The following AP3B1 variants were observed in gnomAD, a reference collection of about 807,000 sequenced individuals.
AP3B1 encodes AP-3 complex subunit beta-1.
A neutral mutation model predicts 132.5 loss-of-function variants in AP3B1; 61 were observed. The observed-to-expected ratio is 0.46, with a 90% confidence interval of 0.37 to 0.57. AP3B1 has a LOEUF of 0.57. AP3B1 is among the 20% of genes least tolerant of loss of function. The probability of loss-of-function intolerance (pLI) is 0.00; values close to 1 mark genes in which losing one functional copy is unlikely to be tolerated. For missense variants in AP3B1, 1,120 were observed against 1,289.4 expected (o/e 0.87, Z 2.01); for synonymous variants, 388 against 438.3 (o/e 0.89, Z 1.43).
intron 2 of AP3B1, among the ~76,000 whole-genome samples, chr5:78,248,949 C>T (rs1281650994): frequency 6.6e-6 from 1 of 152,076 alleles, no homozygotes; most frequent in Non-Finnish European, 1.5e-5. Flanking sequence ...CCATTTTTTC[C>T]CGCTACTTTC....
At position 78,015,443 on chromosome 5, in the gene AP3B1, C is replaced by A; in HGVS notation, c.3098G>T (p.Gly1033Val). Residue 1033 changes from glycine (G) to valine (V), a missense_variant, in exon 26 of 27, where the codon GGT becomes GTT. Around this residue, in one of 3 missense-constraint regions of AP3B1, gnomAD observed 906 missense variants for 997.1 expected, o/e 0.91. Transcript: ENST00000255194. ...ATTATCCTGGCCAGAAGGGACTGCA[C>A]CTACATTGGCTACATTTACAACCTT... ...FQKVVNVANV[G>V]AVPSGQDNIH... The A allele has an allele frequency of 1.2e-6, 2 of 1,613,852 alleles. No homozygotes were observed. The highest frequency in any genetic ancestry group is 2.2e-5 in the East Asian group (1 of 44,836).
intron 13 of AP3B1, among the ~76,000 whole-genome samples, chr5:78,158,137 T>C (rs1330142826): frequency 6.6e-6 from 1 of 152,224 alleles, no homozygotes; most frequent in Non-Finnish European, 1.5e-5. Flanking sequence ...TAAATATATG[T>C]ATTTCAAACT....
chr5:78,094,299 T>C (rs1750677091), intron 21 of AP3B1, among the ~76,000 whole-genome samples: 2 of 152,344 alleles, frequency 1.3e-5, no homozygotes, highest in East Asian at 1.9e-4. Flanking sequence ...CTAGAACAAA[T>C]GTTTTCTTAT....
intron 14 of AP3B1, among the ~76,000 whole-genome samples, chr5:78,154,819 G>C (rs1220031790): frequency 3.3e-5 from 5 of 152,060 alleles, no homozygotes; most frequent in African/African-American, 1.2e-4. Context: ...TTCAATATCT[G>C]TTAAATTTAT....
intron 22 of AP3B1, among the ~76,000 whole-genome samples, chr5:78,058,984 C>T (rs1257168997): frequency 8.5e-5 from 13 of 152,282 alleles, no homozygotes; most frequent in African/African-American, 3.1e-4. Context: ...GAAAAACAGC[C>T]CCTTCAAAGA....
intron 25 of AP3B1, among the ~76,000 whole-genome samples, chr5:78,018,391 G>A (rs1449875201): frequency 6.6e-6 from 1 of 151,832 alleles, no homozygotes; most frequent in Non-Finnish European, 1.5e-5. Context: ...AGATCATGTT[G>A]CATATTAGAA....
intron 24 of AP3B1, among the ~76,000 whole-genome samples, chr5:78,028,560 G>A (rs1747439480): frequency 6.6e-6 from 1 of 152,078 alleles, no homozygotes. Context: ...GTGGAATATA[G>A]TGTGGTGAGC....
intron 7 of AP3B1, 76 bp downstream of exon 7, chr5:78,215,979 A>T (rs962456085): frequency 6.9e-7 from 1 of 1,451,374 alleles, no homozygotes; most frequent in Non-Finnish European, 9.7e-7. Context: ...TACTACTCCT[A>T]ATTTTTTGCC....
chr5:78,192,171 T>G (rs1417410625), intron 7 of AP3B1, among the ~76,000 whole-genome samples: 1 of 151,760 alleles, frequency 6.6e-6, no homozygotes, highest in Non-Finnish European at 1.5e-5. Flanking sequence ...GCAGTATATA[T>G]TTCTACTTCA....
intron 17 of AP3B1, among the ~76,000 whole-genome samples, chr5:78,119,861 G>A (rs1292574785): frequency 6.6e-6 from 1 of 152,170 alleles, no homozygotes; most frequent in African/African-American, 2.4e-5. Flanking sequence ...TACTCCTTGA[G>A]AAGAGCAACT....
intron 22 of AP3B1, chr5:78,043,341 G>T: frequency 5.7e-6 from 1 of 174,222 alleles, no homozygotes; most frequent in South Asian, 1.4e-4. Context: ...ATGTTGGCTA[G>T]GCTGGTCTCA....
At chr5:78,056,920 A>C (rs184639398) in intron 22 of AP3B1, among the ~76,000 whole-genome samples, 1 of 152,320 alleles carries the variant, frequency 6.6e-6, no homozygotes, top group African/African-American at 2.4e-5. Flanking sequence ...ACAAGCCAAC[A>C]TATTATTGGC....
At chr5:78,143,235 G>A (rs1256138968) in intron 14 of AP3B1, among the ~76,000 whole-genome samples, 2 of 151,840 alleles carry the variant, frequency 1.3e-5, no homozygotes, top group Non-Finnish European at 2.9e-5. Flanking sequence ...AATGTTTAAA[G>A]AGATTGTTTA....
intron 11 of AP3B1, among the ~76,000 whole-genome samples, chr5:78,169,958 C>T (rs113224217): frequency 6.6e-6 from 1 of 152,024 alleles, no homozygotes; most frequent in African/African-American, 2.4e-5. Flanking sequence ...GCCCTGTGTC[C>T]AAGTGTTCTC....
At chr5:78,048,192 T>A (rs1459391774) in intron 22 of AP3B1, among the ~76,000 whole-genome samples, 1 of 152,210 alleles carries the variant, frequency 6.6e-6, no homozygotes, top group Non-Finnish European at 1.5e-5. Flanking sequence ...TTCCTGTGGG[T>A]TTCTGAAGTA....
At chr5:78,106,160 A>G (rs1751324282) in intron 20 of AP3B1, among the ~76,000 whole-genome samples, 1 of 152,212 alleles carries the variant, frequency 6.6e-6, no homozygotes. Flanking sequence ...CACTGGGATT[A>G]GAATTTAGTG....
chr5:78,169,223 C>T (rs1235104677), intron 11 of AP3B1, among the ~76,000 whole-genome samples: 2 of 151,748 alleles, frequency 1.3e-5, no homozygotes, highest in Non-Finnish European at 2.9e-5. Flanking sequence ...AAACAATGCT[C>T]TTTCATAATC....
chr5:78,231,537 AT>A (rs1187785842), intron 3 of AP3B1, among the ~76,000 whole-genome samples: 1 of 152,174 alleles, frequency 6.6e-6, no homozygotes, highest in African/African-American at 2.4e-5. Flanking sequence ...TAAAAAAAAA[AT>A]AGATGCCCAC....
intron 2 of AP3B1, among the ~76,000 whole-genome samples, chr5:78,242,699 G>A (rs114082289): frequency 1.4e-3 from 214 of 151,714 alleles, no homozygotes; most frequent in African/African-American, 4.8e-3. Flanking sequence ...GTGCCACCAT[G>A]TGCAGCCTCC....
Sources: gnomAD v4.1 joint callset for allele counts (sites outside exome capture counted in the v4.1 genomes callset) on GRCh38, gnomAD v4.1.1 for gene constraint, gnomAD v4.1.1 regional missense constraint, MANE v1.5 for transcripts, NCBI Gene and HGNC (gene_info 2026-07-23, HGNC 2026-07-21) for gene names.